NFIA: variants seen among roughly 807,000 people sequenced by gnomAD.
NFIA encodes the protein nuclear factor 1 A-type.
In NFIA, 8 loss-of-function variants were observed where a neutral mutation model predicts 62.8. The ratio of observed to expected loss-of-function variants is 0.13; its 90% CI spans 0.07 to 0.23. The LOEUF (loss-of-function observed/expected upper bound fraction) is 0.23. Among genes scored for constraint, NFIA ranks in the 10% least tolerant of loss-of-function variants. NFIA has a pLI of 1.00. For missense variants in NFIA, 410 were observed against 642.1 expected (o/e 0.64, Z 3.91); for synonymous variants, 235 against 238.1 (o/e 0.99, Z 0.12).
intron 4 of NFIA, among the ~76,000 whole-genome samples, chr1:61,349,515 C>T (rs1434028985): frequency 6.6e-6 from 1 of 152,226 alleles, no homozygotes. Flanking sequence ...TCCCATACTC[C>T]CCTGTTCCCA....
intron 2 of NFIA, among the ~76,000 whole-genome samples, chr1:61,268,033 A>G (rs764980072): frequency 3.9e-5 from 6 of 152,208 alleles, no homozygotes; most frequent in Non-Finnish European, 7.3e-5. Context: ...GAGTAGTGGT[A>G]TGAATATTGC....
rs1648803107 is a variant in NFIA, at chr1:61,156,103, C to T, written c.559+67423C>T. 2.0e-5 allele frequency among the ~76,000 whole-genome samples: 3 copies of T among 152,174 alleles called. No homozygotes were observed. In the South Asian group the frequency reaches 6.2e-4, roughly 32 times the overall value. On this transcript the variant is annotated intron_variant, in intron 2 of 10. Transcript: ENST00000403491. ...GAGCTGAGATCATGCCATTGCGCTC[C>T]AGCCTGGGCGACAGAGCGAGACTGT...
chr1:61,380,531 T>A (rs1664364095), intron 6 of NFIA, among the ~76,000 whole-genome samples: 2 of 152,216 alleles, frequency 1.3e-5, no homozygotes, highest in African/African-American at 4.8e-5. Context: ...CCAACATTAA[T>A]GTTTTCTAGC....
chr1:61,428,655 G>A (rs903654552), intron 10 of NFIA, among the ~76,000 whole-genome samples: 1 of 151,936 alleles, frequency 6.6e-6, no homozygotes, highest in Non-Finnish European at 1.5e-5. Flanking sequence ...CACTTAAAGT[G>A]TTAGATATAC....
chr1:61,352,778 C>T (rs1457356465), intron 5 of NFIA, among the ~76,000 whole-genome samples: 1 of 150,418 alleles, frequency 6.6e-6, no homozygotes, highest in Non-Finnish European at 1.5e-5. Flanking sequence ...CACACACACA[C>T]ACACACGCAC....
intron 9 of NFIA, among the ~76,000 whole-genome samples, chr1:61,420,572 C>T (rs1208832283): frequency 6.6e-6 from 1 of 152,108 alleles, no homozygotes; most frequent in Non-Finnish European, 1.5e-5. Flanking sequence ...AGTCTATATT[C>T]CTGAACTTGT....
chr1:61,448,356 G>A (rs957816172), intron 10 of NFIA, among the ~76,000 whole-genome samples: 3 of 152,138 alleles, frequency 2.0e-5, no homozygotes, highest in East Asian at 1.9e-4. Flanking sequence ...TGGAATTGAC[G>A]CAGCTGCTAC....
intron 2 of NFIA, among the ~76,000 whole-genome samples, chr1:61,188,333 C>A (rs537365853): frequency 1.3e-5 from 2 of 152,188 alleles, no homozygotes; most frequent in Non-Finnish European, 2.9e-5. Flanking sequence ...CACAGAGTTA[C>A]AACATAGCAA....
intron 8 of NFIA, among the ~76,000 whole-genome samples, chr1:61,406,120 A>C (rs973978230): frequency 6.6e-6 from 1 of 152,214 alleles, no homozygotes; most frequent in Non-Finnish European, 1.5e-5. Flanking sequence ...GTAAAGAAAC[A>C]TAGTGGAATA....
chr1:61,295,581 C>T (rs980490995), intron 3 of NFIA, among the ~76,000 whole-genome samples: 2 of 152,144 alleles, frequency 1.3e-5, no homozygotes, highest in Admixed American at 6.5e-5. Context: ...GGAGACCCTA[C>T]CTTGACTCCA....
At chr1:61,150,622 C>T (rs1648332640) in intron 2 of NFIA, among the ~76,000 whole-genome samples, 1 of 152,142 alleles carries the variant, frequency 6.6e-6, no homozygotes, top group Non-Finnish European at 1.5e-5. Flanking sequence ...TTAGGGGTAT[C>T]GATAATGGTT....
chr1:61,171,824 G>A (rs1425028794), intron 2 of NFIA, among the ~76,000 whole-genome samples: 1 of 152,168 alleles, frequency 6.6e-6, no homozygotes, highest in Non-Finnish European at 1.5e-5. Context: ...TGCTTGCCTA[G>A]AGACAGCAGC....
chr1:61,269,684 T>A (rs1053049807), intron 2 of NFIA, among the ~76,000 whole-genome samples: 15 of 152,166 alleles, frequency 9.9e-5, no homozygotes, highest in Non-Finnish European at 2.2e-4. Context: ...GATAAACAGA[T>A]GTAATGCACC....
intron 2 of NFIA, among the ~76,000 whole-genome samples, chr1:61,193,714 AC>A (rs1391743972): frequency 6.6e-6 from 1 of 152,218 alleles, no homozygotes; most frequent in Non-Finnish European, 1.5e-5. Context: ...AAGCTGCAAA[AC>A]CACTAGGTCC....
intron 2 of NFIA, among the ~76,000 whole-genome samples, chr1:61,258,116 G>A (rs564706628): frequency 1.3e-4 from 20 of 152,070 alleles, no homozygotes; most frequent in Non-Finnish European, 2.2e-4. Flanking sequence ...GAATATACCT[G>A]TAGTATGTTA....
chr1:61,391,419 ACTT>A (rs1664970440), intron 7 of NFIA, among the ~76,000 whole-genome samples: 1 of 143,796 alleles, frequency 7.0e-6, no homozygotes, highest in Non-Finnish European at 1.5e-5. Context: ...GTTAAACCCC[ACTT>A]CTTTATGAAT....
intron 9 of NFIA, among the ~76,000 whole-genome samples, chr1:61,421,436 G>A (rs910848864): frequency 5.9e-5 from 9 of 152,112 alleles, no homozygotes; most frequent in African/African-American, 2.2e-4. Flanking sequence ...GGAATGAAGA[G>A]GGGGTGAATG....
chr1:61,230,250 AT>A (rs1654589462), intron 2 of NFIA, among the ~76,000 whole-genome samples: 1 of 152,230 alleles, frequency 6.6e-6, no homozygotes, highest in African/African-American at 2.4e-5. Flanking sequence ...CAGGAGAGCA[AT>A]AAAAAACAGA....
intron 3 of NFIA, among the ~76,000 whole-genome samples, chr1:61,285,948 A>C (rs1006618186): frequency 6.6e-6 from 1 of 152,188 alleles, no homozygotes; most frequent in African/African-American, 2.4e-5. Context: ...AGCAAGTAGC[A>C]CTTGTAAACT....
Sources: gnomAD v4.1 joint callset for allele counts (sites outside exome capture counted in the v4.1 genomes callset) on GRCh38, gnomAD v4.1.1 for gene constraint, MANE v1.5 for transcripts, NCBI Gene and HGNC (gene_info 2026-07-23, HGNC 2026-07-21) for gene names.